A2M: variants seen among roughly 807,000 people sequenced by gnomAD.
A2M encodes the protein alpha-2-macroglobulin.
A neutral mutation model predicts 183.9 loss-of-function variants in A2M; 128 were observed. That is an observed-to-expected ratio of 0.70 (90% confidence interval 0.60 to 0.81). The LOEUF is 0.81. Ranked by LOEUF, A2M falls within the 30% of genes least tolerant of loss-of-function variation. A2M has a pLI of 0.00. For synonymous variants in A2M, 592 were observed against 670.8 expected (o/e 0.88, Z 1.81); for missense variants, 1,495 against 1,787.6 (o/e 0.84, Z 2.95).
intron 13 of A2M, among the ~76,000 whole-genome samples, chr12:9,100,479 A>G (rs754688598): frequency 2.5e-4 from 38 of 151,994 alleles, no homozygotes; most frequent in African/African-American, 7.7e-4. Flanking sequence ...GGGTCTCACT[A>G]TGTTGACCAG....
intron 20 of A2M, 148 bp downstream of exon 20, chr12:9,090,208 C>A: frequency 7.2e-7 from 1 of 1,381,398 alleles, no homozygotes. Flanking sequence ...TTGAGGATAT[C>A]CTTGTAGGCA....
Position 9,093,575 on chromosome 12 carries a change from T to C in A2M, c.2130A>G (p.Ser710=). The change falls in exon 18 of 36, where the codon TCA becomes TCG. Residue 710 remains serine, a synonymous_variant. Coordinates refer to ENST00000318602, the MANE Select transcript of A2M (RefSeq NM_000014.6). Reference sequence around the variant, plus strand: ...GTGCATGGCCTCTTCCCATTACATCTGACTCTATGGTGAGTGAGGAAGAAG... The same window carrying C: ...GTGCATGGCCTCTTCCCATTACATCCGACTCTATGGTGAGTGAGGAAGAAG... ...PEGLRVGFYE[S]DVMGRGHARL... The C allele has an allele frequency of 1.3e-6, 2 of 1,584,648 alleles. No homozygotes were observed. The highest frequency in any genetic ancestry group is 8.6e-7 in the Non-Finnish European group (1 of 1,163,444).
intron 11 of A2M, among the ~76,000 whole-genome samples, chr12:9,102,102 A>G (rs1448066461): frequency 6.6e-6 from 1 of 152,226 alleles, no homozygotes; most frequent in Non-Finnish European, 1.5e-5. Flanking sequence ...ATGAATAAAT[A>G]AAATATTGTA....
chr12:9,100,996 C>A, intron 13 of A2M, 148 bp downstream of exon 13: 1 of 716,778 alleles, frequency 1.4e-6, no homozygotes, highest in African/African-American at 1.8e-5. Flanking sequence ...GAAATCACTA[C>A]CAAAGAATTT....
chr12:9,082,729 C>G (rs141360045), intron 22 of A2M, among the ~76,000 whole-genome samples: 2 of 152,298 alleles, frequency 1.3e-5, no homozygotes, highest in Non-Finnish European at 2.9e-5. Context: ...TATGAAATCA[C>G]TGACAAAGAA....
At chr12:9,098,830 T>C (rs1462008944) in intron 14 of A2M, 74 bp from the exon 15 acceptor site, 2 of 1,525,286 alleles carry the variant, frequency 1.3e-6, no homozygotes, top group Non-Finnish European at 1.8e-6. Flanking sequence ...ATTTGCAGAG[T>C]GTTCCTCATG....
At chr12:9,070,764 C>A (rs1269534466) in intron 31 of A2M, among the ~76,000 whole-genome samples, 186 bp from the exon 32 acceptor site, 2 of 152,100 alleles carry the variant, frequency 1.3e-5, no homozygotes, top group Non-Finnish European at 2.9e-5. Context: ...GCCACAGAGA[C>A]CAGGCCCTAC....
At chr12:9,101,383 G>T in intron 12 of A2M, 64 bp downstream of exon 12, 1 of 1,415,572 alleles carries the variant, frequency 7.1e-7, no homozygotes, top group Non-Finnish European at 9.8e-7. Flanking sequence ...AGAGCTTCAT[G>T]ATTACTTGCT....
Position 9,109,456 on chromosome 12 carries a change from A to C in A2M, c.674-51T>G, listed in dbSNP as rs369074874. ...GGTGATTGGTTTTCAACTTTGGGGG[A>C]ATTCCTATTTTCAGGTTCCCTGTAA... On this transcript the variant is annotated intron_variant, in intron 6 of 35. Transcript: ENST00000318602. 5.9e-5 allele frequency: 85 copies of C among 1,432,240 alleles called. 1 individual carries two copies. The South Asian group carries it at 7.7e-4, about 13-fold the overall frequency. The allele number at this position is 1,432,240 out of a possible 1,614,324, so 88.7% of individuals were successfully genotyped here.
intron 22 of A2M, among the ~76,000 whole-genome samples, chr12:9,085,658 A>G (rs1369034475): frequency 6.6e-6 from 1 of 152,226 alleles, no homozygotes; most frequent in East Asian, 1.9e-4. Flanking sequence ...AATAAAGATT[A>G]GAGCAGAAAT....
At chr12:9,107,672 C>G in intron 7 of A2M, 28 bp from the exon 8 acceptor site, 1 of 1,611,458 alleles carries the variant, frequency 6.2e-7, no homozygotes, top group Non-Finnish European at 8.5e-7. Context: ...CCAAAGGAAT[C>G]AGAGCAGACA....
intron 4 of A2M, 33 bp downstream of exon 4, chr12:9,112,126 A>C (rs1169082554): frequency 1.2e-6 from 2 of 1,609,000 alleles, no homozygotes; most frequent in Non-Finnish European, 8.5e-7. Context: ...GTTTATACAG[A>C]CAATCATTTT....
At chr12:9,068,699 C>A in intron 34 of A2M, 41 bp downstream of exon 34, 1 of 1,457,826 alleles carries the variant, frequency 6.9e-7, no homozygotes, top group South Asian at 1.2e-5. Flanking sequence ...TTTCTGTGAT[C>A]AGGAATTAAA....
At position 9,093,471 on chromosome 12, in the gene A2M, A is replaced by G. The variant is rs1949271390; in HGVS notation, c.2234T>C (p.Val745Ala). 3.1e-6 allele frequency: 5 copies of G among 1,613,008 alleles called. No individual in the cohort carries two copies. Among genetic ancestry groups the G allele is most frequent in the Non-Finnish European group, 4.2e-6 (5 of 1,179,000 alleles). The change falls in exon 18 of 36, where the codon GTG (valine) becomes GCG (alanine). Residue 745 changes from valine (V) to alanine (A), a missense_variant. By Grantham distance (64) the Val-to-Ala change is moderately conservative. Coordinates refer to ENST00000318602, the MANE Select transcript of A2M (RefSeq NM_000014.6). Reference protein sequence around the residue: ...FPETWIWDLVVVNSAGVAEVG... With the variant: ...FPETWIWDLVAVNSAGVAEVG... ...TATGCAGGAAGTTACTTACTTTACC[A>G]CCACCAAATCCCAGATCCATGTCTC...
chr12:9,068,924 TG>T (rs1393076567), intron 33 of A2M, 82 bp from the exon 34 acceptor site: 6 of 1,010,640 alleles, frequency 5.9e-6, no homozygotes, highest in Admixed American at 5.3e-5. Context: ...ACCTGTTTTT[TG>T]GGGGAAAAGC....
intron 31 of A2M, among the ~76,000 whole-genome samples, chr12:9,070,897 C>T (rs766224478): frequency 6.6e-5 from 10 of 151,774 alleles, no homozygotes; most frequent in East Asian, 5.8e-4. Flanking sequence ...TTCGGCTCAC[C>T]GCAACCTCCG....
chr12:9,091,187 A>T lies in A2M; in HGVS notation c.2469+14T>A, dbSNP rs1399350149. On this transcript the variant is annotated intron_variant, in intron 19 of 35. Transcript: ENST00000318602. ...ATGGCTACCTTGTATTTAATTTAGG[A>T]AAGAGATCCTTACCCGGATGCATTT... 7.5e-6 allele frequency: 12 copies of T among 1,609,206 alleles called. 1 individual carries two copies. In the Middle Eastern group the frequency reaches 4.9e-4, roughly 66 times the overall value.
At chr12:9,090,525 C>T (rs226411) in intron 19 of A2M, 43 bp from the exon 20 acceptor site, 16 of 1,601,230 alleles carry the variant, frequency 1.0e-5, no homozygotes, top group Non-Finnish European at 1.4e-5. Context: ...GGAAGGAGAA[C>T]AGAGGGAGAA....
In A2M at chr12:9,095,016, C is replaced by A; in HGVS notation, c.2082G>T (p.Gln694His). 1 of 1,593,422 alleles carries A rather than the reference C, an allele frequency of 6.3e-7. No individual in the cohort carries two copies. The highest frequency in any genetic ancestry group is 1.7e-5 in the Admixed American group (1 of 58,934). Residue 694 changes from glutamine to histidine, a missense_variant, in exon 17 of 36, where the codon CAG becomes CAT. By Grantham distance (24) the Gln-to-His change is conservative. Coordinates refer to ENST00000318602, the MANE Select transcript of A2M (RefSeq NM_000014.6). ...RKPKMCPQLQQYEMHGPEGLR... is the reference protein window; with the variant it reads ...RKPKMCPQLQHYEMHGPEGLR... ...GACCTTCAGGTCCATGCATTTCATA[C>A]TGTTGAAGCTGTGGACACATTTTGG...
Sources: allele counts gnomAD v4.1 joint callset (sites outside exome capture counted in the v4.1 genomes callset), GRCh38; gene constraint gnomAD v4.1.1; transcripts MANE v1.5; gene names NCBI Gene and HGNC (gene_info 2026-07-23, HGNC 2026-07-21).